Variants in CD109 observed in about 807,000 individuals in gnomAD.
CD109 encodes CD109 antigen.
In CD109, 149 loss-of-function variants were observed where a neutral mutation model predicts 165.8. The ratio of observed to expected loss-of-function variants is 0.90; its 90% CI spans 0.79 to 1.03. The LOEUF (loss-of-function observed/expected upper bound fraction) is 1.03, where lower values mean the gene tolerates loss of function less well. CD109 is among the 50% of genes least tolerant of loss of function. CD109 has a pLI of 0.00. For missense variants in CD109, 1,712 were observed against 1,677.8 expected, an observed-to-expected ratio of 1.02 and a Z score of -0.36; for synonymous variants, 585 against 592.1, an observed-to-expected ratio of 0.99 and a Z score of 0.18.
upstream of CD109, among the ~76,000 whole-genome samples, chr6:73,693,508 A>G (rs565386357): frequency 3.5e-4 from 54 of 152,332 alleles, 2 homozygotes; most frequent in South Asian, 0.011. Context: ...ACAAACATCC[A>G]AATGACAGCA....
At chr6:73,789,802 C>T (rs987731267) in intron 22 of CD109, among the ~76,000 whole-genome samples, 1 of 149,130 alleles carries the variant, frequency 6.7e-6, no homozygotes, top group Non-Finnish European at 1.5e-5. Flanking sequence ...GCTCTGTCTC[C>T]CAGGCTAGAG....
At chr6:73,739,267 TA>T (rs1053072908) in intron 5 of CD109, among the ~76,000 whole-genome samples, 1 of 151,838 alleles carries the variant, frequency 6.6e-6, no homozygotes, top group Admixed American at 6.6e-5. Context: ...ATAAGCCCCT[TA>T]AAAAAAAGAG....
At chr6:73,788,366 C>G (rs559589797) in intron 21 of CD109, 102 bp from the exon 22 acceptor site, 2 of 962,966 alleles carry the variant, frequency 2.1e-6, no homozygotes, top group South Asian at 4.4e-5. Context: ...CACACACAAA[C>G]CTCAGACACA....
At chr6:73,686,936 C>T in the CD109 span, among the ~76,000 whole-genome samples, 8 of 152,216 alleles carry the variant, frequency 5.3e-5, no homozygotes, top group Non-Finnish European at 7.3e-5. Flanking sequence ...AAGTGATCCA[C>T]CCGCCTGGGT....
chr6:73,814,267 T>G (rs990294533), intron 29 of CD109, among the ~76,000 whole-genome samples: 4 of 152,192 alleles, frequency 2.6e-5, no homozygotes, highest in Admixed American at 6.6e-5. Flanking sequence ...AACCTTGTTA[T>G]AAAAAAGGGG....
Sources: gnomAD v4.1 joint callset for allele counts (sites outside exome capture counted in the v4.1 genomes callset) on GRCh38, gnomAD v4.1.1 for gene constraint, MANE v1.5 for transcripts, NCBI Gene and HGNC (gene_info 2026-07-23, HGNC 2026-07-21) for gene names.